The following ACTR3C variants were observed in gnomAD, a reference collection of about 807,000 sequenced individuals.
ACTR3C encodes actin related protein 3C.
In ACTR3C, 18 loss-of-function variants were observed where a neutral mutation model predicts 26.3. That is an observed-to-expected ratio of 0.68 (90% CI 0.47 to 1.01). The LOEUF is 1.01. Among genes scored for constraint, ACTR3C ranks in the 50% least tolerant of loss-of-function variants. The pLI, the probability that ACTR3C is intolerant of heterozygous loss-of-function variation, is 0.00. For missense variants in ACTR3C, 184 were observed against 250.7 expected (o/e 0.73, Z 1.80); for synonymous variants, 55 against 94.5 (o/e 0.58, Z 2.42).
At chr7:150,025,002 A>T in the ACTR3C span, among the ~76,000 whole-genome samples, 8,657 of 152,108 alleles carry the variant, frequency 0.057, 850 homozygotes, top group African/African-American at 0.2. Context: ...TCTGGAAAGG[A>T]TGTTTGTCAT....
the ACTR3C span, among the ~76,000 whole-genome samples, chr7:149,882,525 G>C: frequency 0.24 from 36,598 of 152,074 alleles, 4,507 homozygotes; most frequent in Middle Eastern, 0.29. Flanking sequence ...GCCATTCCGG[G>C]AGAGAGGAGA....
chr7:150,022,594 G>C, the ACTR3C span, among the ~76,000 whole-genome samples: 2 of 151,964 alleles, frequency 1.3e-5, no homozygotes, highest in Admixed American at 1.3e-4. Context: ...GGGAGTAGCC[G>C]GTGTGTCTCT....
At chr7:150,142,053 G>A in the ACTR3C span, among the ~76,000 whole-genome samples, 1 of 152,172 alleles carries the variant, frequency 6.6e-6, no homozygotes. Context: ...TACCAAGGAT[G>A]CAACCCCGCC....
chr7:150,029,418 C>CAAAAAAAAAAA, the ACTR3C span, among the ~76,000 whole-genome samples: 1 of 17,388 alleles, frequency 5.8e-5, no homozygotes, highest in African/African-American at 2.0e-4. Context: ...AAAAAAAAAA[C>CAAAAAAAAAAA]AAACAAAAAA....
At chr7:150,302,303 G>A (rs189758059) in intron 1 of ACTR3C, among the ~76,000 whole-genome samples, 79 of 152,340 alleles carry the variant, frequency 5.2e-4, no homozygotes, top group Non-Finnish European at 8.5e-4. Context: ...GGTGCTGACG[G>A]CAGTCTGAAA....
chr7:150,140,098 G>A, the ACTR3C span, among the ~76,000 whole-genome samples: 8 of 151,784 alleles, frequency 5.3e-5, no homozygotes, highest in African/African-American at 1.9e-4. Flanking sequence ...AAGCTGAGCT[G>A]GGCTGGGGTC....
the ACTR3C span, among the ~76,000 whole-genome samples, chr7:150,144,724 A>C: frequency 0.05 from 7,608 of 152,158 alleles, 637 homozygotes; most frequent in African/African-American, 0.17. The surrounding 1 kb of genome is among the most constrained non-coding windows in gnomAD (Gnocchi z 4.6). Flanking sequence ...TTGGGGAAGA[A>C]GCTCTATATT....
chr7:150,048,127 AT>A, the ACTR3C span, among the ~76,000 whole-genome samples: 6 of 151,022 alleles, frequency 4.0e-5, no homozygotes, highest in Non-Finnish European at 5.9e-5. Context: ...TGTTTTTATA[AT>A]TTTTTTCCCC....
At chr7:149,937,102 T>A in the ACTR3C span, among the ~76,000 whole-genome samples, 5 of 151,930 alleles carry the variant, frequency 3.3e-5, no homozygotes, top group Admixed American at 1.3e-4. Context: ...CTGATTTTTT[T>A]AATCTGCAAT....
At chr7:150,206,181 T>C in the ACTR3C span, among the ~76,000 whole-genome samples, 1 of 152,200 alleles carries the variant, frequency 6.6e-6, no homozygotes, top group African/African-American at 2.4e-5. Flanking sequence ...CCTGGGCTGC[T>C]CATGACCATG....
At chr7:150,017,102 AGGGATGCGCT>A in the ACTR3C span, among the ~76,000 whole-genome samples, 4 of 152,032 alleles carry the variant, frequency 2.6e-5, no homozygotes, top group Non-Finnish European at 5.9e-5. Context: ...ACTTAGGCCA[AGGGATGCGCT>A]GGCAGTAAAT....
downstream of ACTR3C, among the ~76,000 whole-genome samples, chr7:150,241,131 G>A (rs1018770829): frequency 6.6e-6 from 1 of 151,908 alleles, no homozygotes; most frequent in Non-Finnish European, 1.5e-5. Context: ...CATATAAATT[G>A]TCATATAAAT....
chr7:150,034,701 C>T, the ACTR3C span, among the ~76,000 whole-genome samples: 2 of 151,556 alleles, frequency 1.3e-5, no homozygotes, highest in African/African-American at 4.8e-5. Flanking sequence ...GAACTTTCTA[C>T]TTGGACACCT....
At chr7:150,034,135 G>GTCCCCGCCTTGCGGGGGGTGCGTCCC in the ACTR3C span, among the ~76,000 whole-genome samples, 1 of 151,720 alleles carries the variant, frequency 6.6e-6, no homozygotes, top group Non-Finnish European at 1.5e-5. Flanking sequence ...ATGGATCTCA[G>GTCCCCGCCTTGCGGGGGGTGCGTCCC]CCATCACAAA....
the ACTR3C span, among the ~76,000 whole-genome samples, chr7:150,049,140 C>T: frequency 6.3e-4 from 96 of 151,990 alleles, 2 homozygotes; most frequent in Non-Finnish European, 1.5e-5. Flanking sequence ...CGCGCTCCAG[C>T]GCCCCTGTGT....
At chr7:150,148,804 T>C in the ACTR3C span, among the ~76,000 whole-genome samples, 2 of 152,062 alleles carry the variant, frequency 1.3e-5, no homozygotes, top group Non-Finnish European at 2.9e-5. Flanking sequence ...CTAATGCATT[T>C]ATAAATGGTA....
the ACTR3C span, among the ~76,000 whole-genome samples, chr7:149,985,233 C>CAT: frequency 6.6e-6 from 1 of 151,524 alleles, no homozygotes; most frequent in African/African-American, 2.4e-5. Flanking sequence ...CACACACACA[C>CAT]ACACACACAC....
At chr7:149,977,961 A>G in the ACTR3C span, among the ~76,000 whole-genome samples, 2 of 151,248 alleles carry the variant, frequency 1.3e-5, no homozygotes, top group African/African-American at 2.4e-5. Context: ...GTATGTATCA[A>G]TGGATGTGTT....
At chr7:150,123,643 T>A in the ACTR3C span, among the ~76,000 whole-genome samples, 1 of 151,386 alleles carries the variant, frequency 6.6e-6, no homozygotes. Context: ...ACCTACTTAA[T>A]GCAAGTGCCA....
Sources: gnomAD v4.1 joint callset for allele counts (sites outside exome capture counted in the v4.1 genomes callset) on GRCh38, gnomAD v4.1.1 for gene constraint, Gnocchi (gnomAD v3.1) non-coding constraint, MANE v1.5 for transcripts, NCBI Gene and HGNC (gene_info 2026-07-23, HGNC 2026-07-21) for gene names.